The following KCNN1 variants were observed in gnomAD, a reference collection of about 807,000 sequenced individuals.
The protein encoded by KCNN1 is small conductance calcium-activated potassium channel protein 1.
KCNN1 carries 20 observed loss-of-function variants against 44.7 expected under a neutral mutation model. The observed-to-expected ratio is 0.45, with a 90% CI of 0.32 to 0.65. The LOEUF (loss-of-function observed/expected upper bound fraction) is 0.65, where lower values mean the gene tolerates loss of function less well. KCNN1 is among the 30% of genes least tolerant of loss of function. The pLI is 0.05. For synonymous variants in KCNN1, 324 were observed against 341.7 expected (o/e 0.95, Z 0.57); for missense variants, 632 against 785.3 (o/e 0.80, Z 2.33).
chr19:17,956,129 G>T (rs571127597), intron 2 of KCNN1, among the ~76,000 whole-genome samples: 30 of 152,198 alleles, frequency 2.0e-4, no homozygotes, highest in African/African-American at 6.7e-4. Flanking sequence ...GTAGAGATGG[G>T]GTTTCCCCAT....
At chr19:17,986,865 G>A (rs1191348564) in intron 5 of KCNN1, among the ~76,000 whole-genome samples, 3 of 152,076 alleles carry the variant, frequency 2.0e-5, no homozygotes, top group African/African-American at 4.8e-5. Flanking sequence ...GGAGTGCAAC[G>A]GCACGATCCC....
At chr19:17,987,591 G>C (rs534181511) in intron 5 of KCNN1, among the ~76,000 whole-genome samples, 1 of 152,126 alleles carries the variant, frequency 6.6e-6, no homozygotes, top group South Asian at 2.1e-4. Flanking sequence ...CAGGCTTCTG[G>C]GTCCTCTCAA....
chr19:17,993,111 T>C lies in KCNN1; in HGVS notation c.1307+49T>C, dbSNP rs2032853188. 2.5e-6 allele frequency: 4 copies of C among 1,611,554 alleles called. No homozygotes were observed. The highest frequency in any genetic ancestry group is 1.7e-4 in the Middle Eastern group (1 of 6,054). ...GTGGGGCTGGGAAATCGGGGGTGCATGGTGGTCACAGACAGGGGGTACACC... is the reference window on the plus strand; with the variant it reads ...GTGGGGCTGGGAAATCGGGGGTGCACGGTGGTCACAGACAGGGGGTACACC... On this transcript the variant is annotated intron_variant, in intron 8 of 9. Coordinates refer to ENST00000684775, the MANE Select transcript of KCNN1 (RefSeq NM_001386974.1). This position sits in a 1 kb window ranked among gnomAD's most constrained non-coding sequence, Gnocchi z 4.5.
chr19:17,981,177 C>CA (rs1286434876), intron 3 of KCNN1, among the ~76,000 whole-genome samples: 2 of 151,638 alleles, frequency 1.3e-5, no homozygotes, highest in African/African-American at 2.4e-5. Context: ...CTTCATGGTG[C>CA]ATGAGCCAAG....
Position 17,956,003 on chromosome 19 carries a change from C to T in KCNN1, c.-82+1322C>T, listed in dbSNP as rs150063896. The stretch of plus-strand genomic sequence containing the variant: ...GGAGCGCAGTGGCATGATCTTGGCT[C>T]ACTGCAACCTCCACCCTCCACCCCA... On this transcript the variant is annotated intron_variant, in intron 2 of 10. Coordinates refer to the KCNN1 transcript ENST00000222249. Among the ~76,000 whole-genome samples the T allele has an allele frequency of 2.8e-3, 421 of 152,156 alleles. 1 individual carries two copies. Among genetic ancestry groups the T allele is most frequent in the Middle Eastern group, 0.01 (3 of 294 alleles).
intron 1 of KCNN1, among the ~76,000 whole-genome samples, chr19:17,972,371 A>G (rs541942061): frequency 3.6e-4 from 55 of 152,314 alleles, no homozygotes; most frequent in African/African-American, 1.3e-3. Flanking sequence ...GCTCTCACAC[A>G]TGATGCCACA....
chr19:17,994,688 C>T (rs2032922849), intron 9 of KCNN1, among the ~76,000 whole-genome samples: 1 of 152,124 alleles, frequency 6.6e-6, no homozygotes, highest in African/African-American at 2.4e-5. Context: ...GGATTACAGG[C>T]ATGCACCAGC....
chr19:17,974,066 CG>C lies in KCNN1; in HGVS notation c.183del (p.Gln62SerfsTer61). ...AGCCCGGCCCTCACCCGGCAGCCCC[CG>C]GGGGCAGCCCCAGGACCAGGACGAT... is the stretch of plus-strand genomic sequence containing the variant. ...EPARPSPGSP[R>X]GQPQDQDDDE... On this transcript the variant is annotated frameshift_variant, in exon 2 of 10. Transcript: ENST00000684775. This position sits in a 1 kb window ranked among gnomAD's most constrained non-coding sequence, Gnocchi z 7.3. 1 of 1,611,216 alleles carries C rather than the reference CG, an allele frequency of 6.2e-7. No individual in the cohort carries two copies.
At chr19:17,996,519 T>C (rs1435654449) in intron 9 of KCNN1, among the ~76,000 whole-genome samples, 1 of 151,826 alleles carries the variant, frequency 6.6e-6, no homozygotes, top group African/African-American at 2.4e-5. Flanking sequence ...GGCAGGAGAG[T>C]CGCTTGAACC....
chr19:17,997,348 C>A (rs2033034273), intron 9 of KCNN1, among the ~76,000 whole-genome samples: 1 of 152,150 alleles, frequency 6.6e-6, no homozygotes, highest in African/African-American at 2.4e-5. Flanking sequence ...AACGTCAGCC[C>A]CAAACATCCC....
chr19:17,969,885 G>T (rs911380187), intron 1 of KCNN1, among the ~76,000 whole-genome samples: 2 of 152,232 alleles, frequency 1.3e-5, no homozygotes, highest in African/African-American at 2.4e-5. Context: ...GTGCACCCTA[G>T]TGCAAGCTCC....
chr19:17,958,011 T>C (rs964703363), intron 2 of KCNN1, among the ~76,000 whole-genome samples: 2 of 152,080 alleles, frequency 1.3e-5, no homozygotes, highest in African/African-American at 4.8e-5. Context: ...AAGTAGCTAC[T>C]GTGAGAGAAG....
intron 2 of KCNN1, among the ~76,000 whole-genome samples, chr19:17,955,512 G>T (rs1166645038): frequency 7.3e-6 from 1 of 137,428 alleles, no homozygotes; most frequent in Admixed American, 7.8e-5. Flanking sequence ...AGTGAGCCGA[G>T]ATTGTGCCAT....
Position 17,983,241 on chromosome 19 carries a change from G to A in KCNN1, c.917+1114G>A, listed in dbSNP as rs994866182. ...AGGGGCTCCGCCAGGCCTGGGGTGT[G>A]AGGGTGCCTTATCTGGGAGAGGGTC... On this transcript the variant is annotated intron_variant, in intron 4 of 9. Coordinates refer to ENST00000684775, the MANE Select transcript of KCNN1 (RefSeq NM_001386974.1). The surrounding 1 kb of genome is among the most constrained non-coding windows in gnomAD (Gnocchi z 4.5). Among the ~76,000 whole-genome samples, 11 of 152,070 alleles carry A rather than the reference G, an allele frequency of 7.2e-5. No homozygotes were observed. The highest frequency in any genetic ancestry group is 2.7e-4 in the African/African-American group (11 of 41,398).
At chr19:17,957,314 GAAAA>G (rs945567911) in intron 2 of KCNN1, among the ~76,000 whole-genome samples, 2 of 143,640 alleles carry the variant, frequency 1.4e-5, no homozygotes, top group Non-Finnish European at 3.0e-5. Context: ...GAGGGAGAGA[GAAAA>G]AAAGAAGGAA....
chr19:17,981,769 T>A lies in KCNN1; in HGVS notation c.559T>A (p.Phe187Ile). The A allele has an allele frequency of 6.2e-7, 1 of 1,611,364 alleles. No homozygotes were observed. The change falls in exon 4 of 10, where the codon TTC becomes ATC. Residue 187 changes from phenylalanine to isoleucine, a missense_variant. By Grantham distance (21) the Phe-to-Ile change is conservative. Transcript: ENST00000684775. ...CATCGCCATGACCTGCGAGCGCGTG[T>A]TCCTCATCTCGCTAGAGCTGGCAGT... ...WRIAMTCERVFLISLELAVCA... is the reference protein window; with the variant it reads ...WRIAMTCERVILISLELAVCA...
At chr19:17,975,931 G>C (rs909029053) in intron 3 of KCNN1, among the ~76,000 whole-genome samples, 3 of 152,070 alleles carry the variant, frequency 2.0e-5, no homozygotes, top group Non-Finnish European at 2.9e-5. Flanking sequence ...CCTCAAACTC[G>C]TGGGCTCAAG....
chr19:17,979,961 G>A (rs1422290181), intron 3 of KCNN1, among the ~76,000 whole-genome samples: 1 of 152,070 alleles, frequency 6.6e-6, no homozygotes, highest in Non-Finnish European at 1.5e-5. Flanking sequence ...CAGCACTTTG[G>A]GAGGCTGAGG....
At chr19:17,951,470 G>C (rs1187619663) in intron 1 of KCNN1, 1 of 152,388 alleles carries the variant, frequency 6.6e-6, no homozygotes, top group East Asian at 1.9e-4. Context: ...TGGCAGGGCC[G>C]AGGTCACGGA....
Sources: gnomAD v4.1 joint callset for allele counts (sites outside exome capture counted in the v4.1 genomes callset) on GRCh38, gnomAD v4.1.1 for gene constraint, Gnocchi (gnomAD v3.1) non-coding constraint, MANE v1.5 for transcripts, NCBI Gene and HGNC (gene_info 2026-07-23, HGNC 2026-07-21) for gene names.